The following CELF2 variants were observed in gnomAD, a reference collection of about 807,000 sequenced individuals.
CELF2 encodes CUG triplet repeat RNA-binding protein 2.
CELF2 carries 8 observed loss-of-function variants against 62.6 expected under a neutral mutation model. The ratio of observed to expected loss-of-function variants is 0.13; its 90% CI spans 0.07 to 0.23. The LOEUF (loss-of-function observed/expected upper bound fraction) is 0.23. CELF2 is among the 10% of genes least tolerant of loss of function. CELF2 has a pLI of 1.00. For missense variants in CELF2, 333 were observed against 671.0 expected, an observed-to-expected ratio of 0.50 and a Z score of 5.56; for synonymous variants, 258 against 250.0, an observed-to-expected ratio of 1.03 and a Z score of -0.30.
chr10:10,559,303 A>T, the CELF2 span, among the ~76,000 whole-genome samples: 3 of 152,218 alleles, frequency 2.0e-5, no homozygotes, highest in East Asian at 3.8e-4. Context: ...ATAAAATGAG[A>T]TTGGTAGCCA....
intron 9 of CELF2, among the ~76,000 whole-genome samples, chr10:11,298,643 T>C (rs1230588976): frequency 6.6e-6 from 1 of 151,978 alleles, no homozygotes; most frequent in Non-Finnish European, 1.5e-5. Flanking sequence ...AGTTGTGAAA[T>C]AGAATTAATT....
the CELF2 span, among the ~76,000 whole-genome samples, chr10:10,669,795 G>A: frequency 1.3e-5 from 2 of 152,030 alleles, no homozygotes; most frequent in African/African-American, 4.8e-5. Context: ...CTGAATCCTG[G>A]AGAATTTTAA....
At chr10:10,951,929 T>C in intron 2 of CELF2, 1 of 152,548 alleles carries the variant, frequency 6.6e-6, no homozygotes. Context: ...AGGCACCTCC[T>C]ACACTGACCA....
the CELF2 span, among the ~76,000 whole-genome samples, chr10:10,591,847 G>C: frequency 6.6e-6 from 1 of 152,204 alleles, no homozygotes; most frequent in African/African-American, 2.4e-5. Flanking sequence ...CCTGCACTCA[G>C]TGTAAGGCAT....
intron 2 of CELF2, among the ~76,000 whole-genome samples, chr10:11,209,681 G>C (rs1255559479): frequency 6.6e-6 from 1 of 151,600 alleles, no homozygotes; most frequent in Non-Finnish European, 1.5e-5. Context: ...GAAAGTAGGG[G>C]GTCCTGGCAG....
intron 1 of CELF2, among the ~76,000 whole-genome samples, chr10:10,874,678 T>C (rs1021822276): frequency 1.3e-5 from 2 of 152,188 alleles, no homozygotes; most frequent in Non-Finnish European, 2.9e-5. Flanking sequence ...TAAATTTACC[T>C]AATGGGAAGT....
At chr10:10,479,125 T>C in the CELF2 span, among the ~76,000 whole-genome samples, 238 of 152,312 alleles carry the variant, frequency 1.6e-3, 1 homozygote, top group African/African-American at 5.4e-3. Context: ...GTATTCTCTT[T>C]CTCCATCTTC....
Position 11,010,160 on chromosome 10 carries a change from C to A in CELF2, c.53+4720C>A, listed in dbSNP as rs983133731. 2 of 152,196 alleles carry A rather than the reference C, an allele frequency of 1.3e-5. No homozygotes were observed. Among genetic ancestry groups the A allele is most frequent in the African/African-American group, 4.8e-5 (2 of 41,442 alleles). The allele number at this position is 152,196 out of a possible 1,614,324, so 9.4% of individuals were successfully genotyped here. On this transcript the variant is annotated intron_variant, in intron 1 of 12. Coordinates refer to the CELF2 transcript ENST00000416382. This position sits in a 1 kb window ranked among gnomAD's most constrained non-coding sequence, Gnocchi z 4.1. ...CCTCTGGGCTCGATGAGAAGGCTGACCTGCTCATTTGGAGATGCCTTTAAG... is the reference window on the plus strand; with the variant it reads ...CCTCTGGGCTCGATGAGAAGGCTGAACTGCTCATTTGGAGATGCCTTTAAG...
chr10:10,799,364 G>T (rs1034367598), intron 1 of CELF2, among the ~76,000 whole-genome samples: 5 of 152,054 alleles, frequency 3.3e-5, no homozygotes, highest in Non-Finnish European at 7.4e-5. Context: ...GGTGCCTGTA[G>T]TCCCTGCTAC....
chr10:10,766,420 G>A, the CELF2 span, among the ~76,000 whole-genome samples: 1 of 152,174 alleles, frequency 6.6e-6, no homozygotes, highest in African/African-American at 2.4e-5. Context: ...GACCTGCAGG[G>A]GAGGAAGGGA....
intron 1 of CELF2, among the ~76,000 whole-genome samples, chr10:10,849,355 A>T (rs2059230841): frequency 6.6e-6 from 1 of 152,050 alleles, no homozygotes; most frequent in Non-Finnish European, 1.5e-5. Context: ...TGCAGTGAGC[A>T]GAGATCATGC....
intron 1 of CELF2, among the ~76,000 whole-genome samples, chr10:10,875,114 T>C (rs1415500755): frequency 2.6e-5 from 4 of 152,236 alleles, no homozygotes; most frequent in Non-Finnish European, 5.9e-5. Flanking sequence ...GTGTCAACTT[T>C]ATTGTTAATA....
At chr10:11,286,360 G>C (rs1431915143) in intron 8 of CELF2, among the ~76,000 whole-genome samples, 2 of 152,206 alleles carry the variant, frequency 1.3e-5, no homozygotes, top group Admixed American at 6.5e-5. Flanking sequence ...CCCTGTTCTT[G>C]TGTGCTCAGC....
At chr10:10,538,001 G>C in the CELF2 span, among the ~76,000 whole-genome samples, 1 of 152,094 alleles carries the variant, frequency 6.6e-6, no homozygotes, top group Non-Finnish European at 1.5e-5. Context: ...GCTCTTCATG[G>C]AATGAGGAGG....
chr10:10,841,009 A>G (rs2132506998), intron 1 of CELF2, among the ~76,000 whole-genome samples: 1 of 152,282 alleles, frequency 6.6e-6, no homozygotes, highest in East Asian at 1.9e-4. Context: ...TGTCCCTGCA[A>G]AGGACATGAG....
the CELF2 span, among the ~76,000 whole-genome samples, chr10:10,592,495 C>T: frequency 4.6e-5 from 7 of 152,158 alleles, no homozygotes; most frequent in African/African-American, 1.7e-4. Flanking sequence ...TGTCAGCCAA[C>T]CCAAAATGTT....
At chr10:11,026,766 G>A (rs2059279437) in intron 1 of CELF2, among the ~76,000 whole-genome samples, 1 of 152,204 alleles carries the variant, frequency 6.6e-6, no homozygotes, top group Non-Finnish European at 1.5e-5. Flanking sequence ...AGGGGCCACA[G>A]CCGTCTGGGA....
chr10:10,945,796 C>T (rs2047603140), intron 2 of CELF2, among the ~76,000 whole-genome samples: 1 of 152,162 alleles, frequency 6.6e-6, no homozygotes, highest in African/African-American at 2.4e-5. Flanking sequence ...AGCAGCCACT[C>T]CAGGATAGAA....
intron 2 of CELF2, among the ~76,000 whole-genome samples, chr10:11,166,383 G>T (rs994588580): frequency 6.6e-6 from 1 of 152,156 alleles, no homozygotes. Flanking sequence ...TGACGGTGAT[G>T]GGGGGCAGTG....
Sources: allele counts gnomAD v4.1 joint callset (sites outside exome capture counted in the v4.1 genomes callset), GRCh38; gene constraint gnomAD v4.1.1; non-coding constraint Gnocchi (gnomAD v3.1); transcripts MANE v1.5; gene names NCBI Gene and HGNC (gene_info 2026-07-23, HGNC 2026-07-21).